Variants in LNX1 observed in about 807,000 individuals in gnomAD.
The protein encoded by LNX1 is E3 ubiquitin-protein ligase LNX.
In LNX1, 54 loss-of-function variants were observed where a neutral mutation model predicts 68.4. The ratio of observed to expected loss-of-function variants is 0.79; its 90% CI spans 0.63 to 0.99. The LOEUF is 0.99. LNX1 is among the 50% of genes least tolerant of loss of function. LNX1 has a pLI of 0.00. For synonymous variants in LNX1, 336 were observed against 350.0 expected, an observed-to-expected ratio of 0.96 and a Z score of 0.45; for missense variants, 906 against 926.4, an observed-to-expected ratio of 0.98 and a Z score of 0.29.
intron 2 of LNX1, among the ~76,000 whole-genome samples, chr4:53,521,853 G>A (rs1346053223): frequency 1.3e-5 from 2 of 152,120 alleles, no homozygotes; most frequent in Admixed American, 1.3e-4. Flanking sequence ...AGGCTGGAGT[G>A]CAGTGGCATC....
At chr4:53,570,951 C>A (rs1301494542) in intron 2 of LNX1, among the ~76,000 whole-genome samples, 1 of 151,648 alleles carries the variant, frequency 6.6e-6, no homozygotes, top group East Asian at 1.9e-4. Flanking sequence ...GGCATGAACC[C>A]GGGAGGCCGA....
chr4:53,607,320 A>G (rs1301431975), intron 2 of LNX1, among the ~76,000 whole-genome samples: 7 of 152,194 alleles, frequency 4.6e-5, no homozygotes, highest in Non-Finnish European at 1.0e-4. Flanking sequence ...CACCAATGAC[A>G]TCCAAGCTGA....
chr4:53,502,619 A>G (rs753592455), intron 4 of LNX1, among the ~76,000 whole-genome samples: 1 of 152,174 alleles, frequency 6.6e-6, no homozygotes, highest in African/African-American at 2.4e-5. Flanking sequence ...TAAGACAACA[A>G]TGAAGTTTGC....
chr4:53,544,426 C>T (rs1913486), intron 2 of LNX1, among the ~76,000 whole-genome samples: 1 of 152,086 alleles, frequency 6.6e-6, no homozygotes, highest in Admixed American at 6.5e-5. Flanking sequence ...AACTACTGAA[C>T]TCAGGTGATC....
At chr4:53,528,623 A>G (rs528144117) in intron 2 of LNX1, among the ~76,000 whole-genome samples, 15 of 152,318 alleles carry the variant, frequency 9.8e-5, no homozygotes, top group Middle Eastern at 3.4e-3. Flanking sequence ...ACAGGGTTCA[A>G]TACTATGGTG....
intron 1 of LNX1, among the ~76,000 whole-genome samples, chr4:53,636,878 A>G (rs1734499699): frequency 6.6e-6 from 1 of 151,912 alleles, no homozygotes; most frequent in African/African-American, 2.4e-5. Flanking sequence ...CATGTTCTGT[A>G]GTTTAAAACA....
chr4:53,579,272 T>C (rs1384905651), intron 1 of LNX1: 1 of 984,702 alleles, frequency 1.0e-6, no homozygotes, highest in Non-Finnish European at 1.2e-6. Context: ...ATGGGTACGG[T>C]GGAAATCTTA....
intron 1 of LNX1, among the ~76,000 whole-genome samples, chr4:53,651,611 C>G (rs1201250054): frequency 1.3e-5 from 2 of 152,246 alleles, no homozygotes; most frequent in East Asian, 3.9e-4. Flanking sequence ...CACCATTCTA[C>G]TGAAAAGAGA....
intron 2 of LNX1, chr4:53,539,338 G>C (rs890254258): frequency 2.6e-5 from 4 of 152,072 alleles, no homozygotes; most frequent in African/African-American, 9.7e-5. Flanking sequence ...TGATAAAAAT[G>C]CTCAGATGTC....
chr4:53,647,039 C>T (rs1734912996), intron 1 of LNX1, among the ~76,000 whole-genome samples: 2 of 152,320 alleles, frequency 1.3e-5, no homozygotes, highest in African/African-American at 2.4e-5. Flanking sequence ...GAAAGGTTCT[C>T]CATGCTCCAT....
chr4:53,570,100 G>C (rs1175927273), intron 2 of LNX1, among the ~76,000 whole-genome samples: 4 of 148,932 alleles, frequency 2.7e-5, no homozygotes, highest in Admixed American at 2.7e-4. Context: ...GTGGAAGTCA[G>C]TGTGGCGATT....
chr4:53,476,484 C>A (rs1723568577), intron 9 of LNX1, among the ~76,000 whole-genome samples: 1 of 152,128 alleles, frequency 6.6e-6, no homozygotes, highest in Non-Finnish European at 1.5e-5. Flanking sequence ...CATGAACAAC[C>A]TACACAGCTG....
intron 2 of LNX1, among the ~76,000 whole-genome samples, chr4:53,615,525 C>T (rs1309549091): frequency 6.6e-6 from 1 of 152,140 alleles, no homozygotes; most frequent in Non-Finnish European, 1.5e-5. Context: ...ATCGCCAGAG[C>T]CAACTCCCAG....
intron 9 of LNX1, among the ~76,000 whole-genome samples, chr4:53,468,985 C>A (rs975966744): frequency 6.6e-6 from 1 of 152,168 alleles, no homozygotes; most frequent in Non-Finnish European, 1.5e-5. Flanking sequence ...CTGCACCAAG[C>A]AGACCTAATA....
At chr4:53,630,835 G>A (rs780365708) in intron 1 of LNX1, among the ~76,000 whole-genome samples, 27 of 152,218 alleles carry the variant, frequency 1.8e-4, no homozygotes, top group Non-Finnish European at 3.1e-4. Context: ...CTAATTCAGT[G>A]TTTGCAGTGA....
intron 2 of LNX1, among the ~76,000 whole-genome samples, chr4:53,519,456 T>A (rs1398781665): frequency 1.4e-5 from 2 of 145,330 alleles, no homozygotes; most frequent in Admixed American, 6.9e-5. Flanking sequence ...TTTTTTTTTT[T>A]AATCACAAGG....
At chr4:53,545,612 A>G (rs947459970) in intron 2 of LNX1, among the ~76,000 whole-genome samples, 2 of 152,176 alleles carry the variant, frequency 1.3e-5, no homozygotes, top group African/African-American at 4.8e-5. Context: ...TCTGATGTTT[A>G]TAGTGCACTT....
At chr4:53,566,660 C>A (rs1008490992) in intron 2 of LNX1, among the ~76,000 whole-genome samples, 3 of 152,066 alleles carry the variant, frequency 2.0e-5, no homozygotes, top group South Asian at 4.1e-4. Context: ...ATTAACTTTA[C>A]ATGTAAATGG....
intron 1 of LNX1, among the ~76,000 whole-genome samples, chr4:53,638,218 G>C (rs1159235210): frequency 6.6e-6 from 1 of 152,142 alleles, no homozygotes; most frequent in Admixed American, 6.5e-5. Context: ...TCTCTGCTGG[G>C]TTTGCAGTCA....
Sources: allele counts gnomAD v4.1 joint callset (sites outside exome capture counted in the v4.1 genomes callset), GRCh38; gene constraint gnomAD v4.1.1; transcripts MANE v1.5; gene names NCBI Gene and HGNC (gene_info 2026-07-23, HGNC 2026-07-21).